SLC24A2: variants seen among roughly 807,000 people sequenced by gnomAD.
The protein encoded by SLC24A2 is solute carrier family 24 member 2.
In SLC24A2, 36 loss-of-function variants were observed where a neutral mutation model predicts 62.0. That is an observed-to-expected ratio of 0.58 (90% CI 0.44 to 0.77). SLC24A2 has a LOEUF of 0.77. Among genes scored for constraint, SLC24A2 ranks in the 30% least tolerant of loss-of-function variants. SLC24A2 has a pLI of 0.00. For missense variants in SLC24A2, 846 were observed against 817.9 expected (o/e 1.03, Z -0.42); for synonymous variants, 358 against 294.0 (o/e 1.22, Z -2.23).
chr9:20,245,790 A>T, the SLC24A2 span, among the ~76,000 whole-genome samples: 3 of 152,230 alleles, frequency 2.0e-5, no homozygotes, highest in African/African-American at 7.2e-5. Flanking sequence ...ACTTGGCTAA[A>T]ATAGGAGATA....
At chr9:19,839,635 C>G in the SLC24A2 span, among the ~76,000 whole-genome samples, 2 of 152,046 alleles carry the variant, frequency 1.3e-5, no homozygotes, top group Non-Finnish European at 2.9e-5. Flanking sequence ...TTGAAAGTGA[C>G]GGAGGAAGAT....
chr9:19,593,466 G>A (rs1446565719), intron 5 of SLC24A2, among the ~76,000 whole-genome samples: 2 of 152,136 alleles, frequency 1.3e-5, no homozygotes, highest in African/African-American at 2.4e-5. Context: ...GACAGGGGAG[G>A]GGGAAAGGGC....
intron 2 of SLC24A2, among the ~76,000 whole-genome samples, chr9:19,777,045 CA>C (rs1267671461): frequency 6.6e-6 from 1 of 152,102 alleles, no homozygotes; most frequent in Non-Finnish European, 1.5e-5. Context: ...CCCATTAAAA[CA>C]AAAACAAAAA....
the SLC24A2 span, among the ~76,000 whole-genome samples, chr9:19,923,488 C>G: frequency 2.0e-5 from 3 of 152,186 alleles, no homozygotes; most frequent in Non-Finnish European, 4.4e-5. Context: ...GCTCTTTCCA[C>G]TCCCTACCTA....
At chr9:20,251,865 G>C in the SLC24A2 span, among the ~76,000 whole-genome samples, 1 of 152,186 alleles carries the variant, frequency 6.6e-6, no homozygotes, top group African/African-American at 2.4e-5. Context: ...TGCTGCTGCA[G>C]TTCCAGGTAT....
the SLC24A2 span, among the ~76,000 whole-genome samples, chr9:20,170,117 C>A: frequency 6.8e-6 from 1 of 146,746 alleles, no homozygotes; most frequent in Non-Finnish European, 1.5e-5. Context: ...CGAATTAACC[C>A]AATCCAACAA....
At chr9:19,617,570 T>C (rs1010105423) in intron 4 of SLC24A2, among the ~76,000 whole-genome samples, 2 of 152,212 alleles carry the variant, frequency 1.3e-5, no homozygotes, top group African/African-American at 4.8e-5. Context: ...GGTGCTGATA[T>C]TTTCTCCTTG....
chr9:20,219,294 CA>C, the SLC24A2 span, among the ~76,000 whole-genome samples: 86 of 152,230 alleles, frequency 5.6e-4, no homozygotes, highest in African/African-American at 1.9e-3. Flanking sequence ...CACAGGCTTC[CA>C]TTGAGATGTG....
chr9:20,142,691 G>A, the SLC24A2 span, among the ~76,000 whole-genome samples: 1 of 152,132 alleles, frequency 6.6e-6, no homozygotes, highest in Non-Finnish European at 1.5e-5. Flanking sequence ...CCACCCCTGG[G>A]TTCAAGAGAT....
At chr9:19,950,874 T>C in the SLC24A2 span, among the ~76,000 whole-genome samples, 37 of 151,874 alleles carry the variant, frequency 2.4e-4, no homozygotes, top group African/African-American at 8.4e-4. Flanking sequence ...GCCTATGAGA[T>C]TGTGGTTACT....
At chr9:19,895,904 C>G in the SLC24A2 span, 2 of 1,613,498 alleles carry the variant, frequency 1.2e-6, no homozygotes, top group Non-Finnish European at 1.7e-6. Flanking sequence ...CGGGCAGGGT[C>G]AAATTCTAAC....
the SLC24A2 span, among the ~76,000 whole-genome samples, chr9:19,943,360 T>C: frequency 6.6e-6 from 1 of 152,182 alleles, no homozygotes; most frequent in Non-Finnish European, 1.5e-5. Flanking sequence ...ATAATTTTAT[T>C]CCACTATTCT....
At chr9:20,107,071 C>G in the SLC24A2 span, among the ~76,000 whole-genome samples, 2 of 150,804 alleles carry the variant, frequency 1.3e-5, no homozygotes, top group South Asian at 4.2e-4. Flanking sequence ...AAACAGAGAG[C>G]CATGAGTGAA....
chr9:19,621,037 A>G (rs1832445582), intron 3 of SLC24A2, among the ~76,000 whole-genome samples: 1 of 152,244 alleles, frequency 6.6e-6, no homozygotes, highest in African/African-American at 2.4e-5. Flanking sequence ...GTTTCAAACT[A>G]CATCATTAGA....
At chr9:20,123,007 G>T in the SLC24A2 span, among the ~76,000 whole-genome samples, 1 of 152,058 alleles carries the variant, frequency 6.6e-6, no homozygotes, top group Non-Finnish European at 1.5e-5. Context: ...CTTTGTTTTC[G>T]ACTCATTCTA....
At chr9:19,747,573 A>G (rs559724727) in intron 2 of SLC24A2, among the ~76,000 whole-genome samples, 2 of 152,358 alleles carry the variant, frequency 1.3e-5, no homozygotes, top group South Asian at 4.1e-4. Flanking sequence ...AGTCATATAC[A>G]TATTATTATC....
chr9:20,168,283 G>A, the SLC24A2 span, among the ~76,000 whole-genome samples: 18 of 152,048 alleles, frequency 1.2e-4, no homozygotes, highest in Non-Finnish European at 2.2e-4. Flanking sequence ...TCTTTCAGCT[G>A]TTCTCTAAGC....
the SLC24A2 span, among the ~76,000 whole-genome samples, chr9:20,228,549 G>A: frequency 6.6e-6 from 1 of 152,182 alleles, no homozygotes; most frequent in Non-Finnish European, 1.5e-5. Context: ...GTGGAAGGGA[G>A]TAGACTGGCT....
At chr9:20,058,376 T>C in the SLC24A2 span, among the ~76,000 whole-genome samples, 11 of 152,292 alleles carry the variant, frequency 7.2e-5, no homozygotes, top group Admixed American at 6.5e-4. Flanking sequence ...AAGCATATTT[T>C]GTGTGACACA....
Sources: gnomAD v4.1 joint callset for allele counts (sites outside exome capture counted in the v4.1 genomes callset) on GRCh38, gnomAD v4.1.1 for gene constraint, MANE v1.5 for transcripts, NCBI Gene and HGNC (gene_info 2026-07-23, HGNC 2026-07-21) for gene names.